Variants in GRAMD1C observed in about 807,000 individuals in gnomAD.
GRAMD1C encodes the protein protein Aster-C.
A neutral mutation model predicts 97.8 loss-of-function variants in GRAMD1C; 89 were observed. That is an observed-to-expected ratio of 0.91 (90% CI 0.77 to 1.09). The LOEUF (loss-of-function observed/expected upper bound fraction) is 1.09, where lower values mean the gene tolerates loss of function less well. Ranked by LOEUF, GRAMD1C falls within the 50% of genes least tolerant of loss-of-function variation. The probability of loss-of-function intolerance (pLI) is 0.00; values close to 1 mark genes in which losing one functional copy is unlikely to be tolerated. For missense variants in GRAMD1C, 740 were observed against 766.4 expected, an observed-to-expected ratio of 0.97 and a Z score of 0.41; for synonymous variants, 256 against 267.0, an observed-to-expected ratio of 0.96 and a Z score of 0.40.
At chr3:113,834,843 G>A (rs1190631433), upstream of GRAMD1C, among the ~76,000 whole-genome samples, 2 of 151,278 alleles carry the variant, frequency 1.3e-5, no homozygotes, top group African/African-American at 2.4e-5. Context: ...CAGAGGCTGG[G>A]ACAGGAGAAT....
At chr3:113,886,777 G>GTTTTTTTTTTTTTTTTTTTTT (rs34683672) in intron 6 of GRAMD1C, among the ~76,000 whole-genome samples, 1 of 80,042 alleles carries the variant, frequency 1.2e-5, no homozygotes, top group Non-Finnish European at 2.3e-5. Context: ...TTGTTTGCTT[G>GTTTTTTTTTTTTTTTTTTTTT]TTTTTTTTTT....
At chr3:113,858,919 C>T (rs974166413) in intron 2 of GRAMD1C, among the ~76,000 whole-genome samples, 1 of 152,142 alleles carries the variant, frequency 6.6e-6, no homozygotes, top group African/African-American at 2.4e-5. Context: ...TCTGTAGAGT[C>T]TACAGTGCTG....
intron 14 of GRAMD1C, 47 bp downstream of exon 14, chr3:113,936,489 A>T (rs368546197): frequency 4.0e-6 from 5 of 1,264,136 alleles, no homozygotes; most frequent in Non-Finnish European, 5.6e-6. Context: ...TACTTTAGTT[A>T]TATGAAGCAG....
At chr3:113,917,344 G>A (rs986152923) in intron 10 of GRAMD1C, among the ~76,000 whole-genome samples, 1 of 152,118 alleles carries the variant, frequency 6.6e-6, no homozygotes, top group Admixed American at 6.6e-5. Flanking sequence ...ATTTATTTGA[G>A]ACAGAGTTGT....
intron 6 of GRAMD1C, chr3:113,897,452 A>G (rs767397749): frequency 1.3e-6 from 1 of 754,870 alleles, no homozygotes; most frequent in Non-Finnish European, 1.6e-6. Flanking sequence ...TTCTTCTTGT[A>G]GGAGTGGCTT....
At chr3:113,935,385 T>C (rs1218914131) in intron 13 of GRAMD1C, among the ~76,000 whole-genome samples, 1 of 152,054 alleles carries the variant, frequency 6.6e-6, no homozygotes, top group Non-Finnish European at 1.5e-5. Flanking sequence ...GCAATGGTAG[T>C]ATGTACATGT....
At chr3:113,934,576 G>C in intron 13 of GRAMD1C, 41 bp downstream of exon 13, 1 of 859,800 alleles carries the variant, frequency 1.2e-6, no homozygotes, top group South Asian at 1.6e-5. Context: ...GTAAAGATGG[G>C]ATTTATTAAC....
intron 9 of GRAMD1C, 44 bp downstream of exon 9, chr3:113,909,164 TTTTATG>T: frequency 9.6e-7 from 1 of 1,041,058 alleles, no homozygotes; most frequent in Non-Finnish European, 1.4e-6. Flanking sequence ...AGTTATGTCT[TTTTATG>T]TTTATCTTTG....
In GRAMD1C at chr3:113,839,219, C is replaced by G. The variant is rs531185100; in HGVS notation, c.27+283C>G. On this transcript the variant is annotated intron_variant, in intron 1 of 17. Transcript: ENST00000358160. ...GGTGCGGATGTCTCAGCCCCAGGCC[C>G]CCTTGGGTCAGGCCCCATGGTCGTG... Among the ~76,000 whole-genome samples the G allele has an allele frequency of 6.4e-4, 97 of 152,206 alleles. 1 individual carries two copies. Among genetic ancestry groups the G allele is most frequent in the African/African-American group, 2.2e-3 (92 of 41,494 alleles).
intron 2 of GRAMD1C, chr3:113,850,583 C>G (rs145220812): frequency 1.2e-6 from 2 of 1,607,128 alleles, no homozygotes; most frequent in Non-Finnish European, 1.7e-6. Flanking sequence ...ACTTGAGAGA[C>G]TGCATGGCCT....
chr3:113,873,578 G>C (rs1345459354), intron 3 of GRAMD1C, among the ~76,000 whole-genome samples: 2 of 152,032 alleles, frequency 1.3e-5, no homozygotes, highest in Admixed American at 6.6e-5. Flanking sequence ...GAGTGCAATG[G>C]CATGATCTCA....
intron 10 of GRAMD1C, among the ~76,000 whole-genome samples, chr3:113,922,153 C>T (rs914244084): frequency 3.9e-5 from 6 of 151,922 alleles, no homozygotes; most frequent in African/African-American, 1.5e-4. Flanking sequence ...CTTACTGCAG[C>T]CTCAACCTCC....
At chr3:113,906,577 CA>C (rs1165053669) in intron 8 of GRAMD1C, among the ~76,000 whole-genome samples, 5 of 151,806 alleles carry the variant, frequency 3.3e-5, no homozygotes, top group Admixed American at 6.6e-5. Context: ...TTACAAGAGT[CA>C]AAAAGTTTTA....
chr3:113,914,565 C>T (rs1468385805), intron 9 of GRAMD1C, among the ~76,000 whole-genome samples: 2 of 152,162 alleles, frequency 1.3e-5, no homozygotes, highest in African/African-American at 2.4e-5. Context: ...TATTCTGTAT[C>T]GATGGGGCAT....
At position 113,875,970 on chromosome 3, in the gene GRAMD1C, T is replaced by C. The variant is rs111665694; in HGVS notation, c.364-195T>C. 1,158 of 485,640 alleles carry C rather than the reference T, an allele frequency of 2.4e-3. 16 individuals carry two copies. Among genetic ancestry groups the C allele is most frequent in the African/African-American group, 0.021 (1,050 of 50,604 alleles). 30.1% of individuals were successfully genotyped at this position (485,640 alleles called of 1,614,324 possible). A position where few individuals can be genotyped will look rare whatever the true frequency, so the allele number is the denominator to read the frequency against. The stretch of plus-strand genomic sequence containing the variant: ...AGATAGAGGAGTTGTTGGGGGAGAA[T>C]ACTGCAGGGCAAACTGCTTACCCTG... On this transcript the variant is annotated intron_variant, in intron 4 of 17. Coordinates refer to ENST00000358160, the MANE Select transcript of GRAMD1C (RefSeq NM_017577.5).
At chr3:113,869,649 T>TA (rs1312940540) in intron 3 of GRAMD1C, 58 bp downstream of exon 3, 1 of 750,716 alleles carries the variant, frequency 1.3e-6, no homozygotes, top group Non-Finnish European at 2.3e-6. Flanking sequence ...AGAAAACTGA[T>TA]AAGTGACAGT....
At chr3:113,835,918 A>G (rs1056897715), upstream of GRAMD1C, among the ~76,000 whole-genome samples, 1 of 152,190 alleles carries the variant, frequency 6.6e-6, no homozygotes, top group Non-Finnish European at 1.5e-5. Flanking sequence ...CCTGTCTTTT[A>G]CTGATTATCT....
chr3:113,885,831 C>T, intron 6 of GRAMD1C: 2 of 1,611,378 alleles, frequency 1.2e-6, no homozygotes, highest in Non-Finnish European at 1.7e-6. Flanking sequence ...CCACAGTGAC[C>T]TCTCCAGCAT....
intron 1 of GRAMD1C, among the ~76,000 whole-genome samples, chr3:113,844,137 G>A (rs1317267693): frequency 6.6e-6 from 1 of 152,004 alleles, no homozygotes. Flanking sequence ...ATGTATAAAT[G>A]TATGAACTTG....
Sources: allele counts gnomAD v4.1 joint callset (sites outside exome capture counted in the v4.1 genomes callset), GRCh38; gene constraint gnomAD v4.1.1; transcripts MANE v1.5; gene names NCBI Gene and HGNC (gene_info 2026-07-23, HGNC 2026-07-21).